Variants in PDE1C observed in about 807,000 individuals in gnomAD.
The protein encoded by PDE1C is dual specificity calcium/calmodulin-dependent 3',5'-cyclic nucleotide phosphodiesterase 1C.
Under a neutral mutation model 93.1 loss-of-function variants are expected in PDE1C, and 62 were observed. The ratio of observed to expected loss-of-function variants is 0.67; its 90% confidence interval spans 0.54 to 0.82. PDE1C has a LOEUF of 0.82. Among genes scored for constraint, PDE1C ranks in the 40% least tolerant of loss-of-function variants. The pLI is 0.00. For synonymous variants in PDE1C, 325 were observed against 310.1 expected (o/e 1.05, Z -0.50); for missense variants, 742 against 884.6 (o/e 0.84, Z 2.04).
chr7:31,995,718 C>G (rs2128546049), intron 2 of PDE1C, among the ~76,000 whole-genome samples: 1 of 152,200 alleles, frequency 6.6e-6, no homozygotes, highest in African/African-American at 2.4e-5. Context: ...TACAGCTACA[C>G]AGAGTGAATG....
intron 1 of PDE1C, among the ~76,000 whole-genome samples, chr7:32,288,779 A>G (rs978627769): frequency 1.3e-5 from 2 of 152,216 alleles, no homozygotes; most frequent in Non-Finnish European, 2.9e-5. Context: ...CTTAAATCCT[A>G]TGGCGTTAAT....
At chr7:31,966,991 C>T (rs191723101) in intron 2 of PDE1C, among the ~76,000 whole-genome samples, 1,853 of 151,988 alleles carry the variant, frequency 0.012, 15 homozygotes, top group Non-Finnish European at 0.021. Context: ...GCACTAAATG[C>T]CCACAAGAGA....
intron 2 of PDE1C, among the ~76,000 whole-genome samples, chr7:31,899,263 C>T (rs1190793466): frequency 2.0e-5 from 3 of 151,678 alleles, no homozygotes; most frequent in Non-Finnish European, 4.4e-5. Flanking sequence ...GTCAGTCTCC[C>T]GAGTAGCTGG....
At chr7:32,213,056 T>C (rs1415856990) in intron 1 of PDE1C, among the ~76,000 whole-genome samples, 1 of 152,216 alleles carries the variant, frequency 6.6e-6, no homozygotes, top group Non-Finnish European at 1.5e-5. Flanking sequence ...ACAGTGACTA[T>C]GCATTCAGTC....
At chr7:31,630,254 A>AAC in the PDE1C span, among the ~76,000 whole-genome samples, 1 of 151,592 alleles carries the variant, frequency 6.6e-6, no homozygotes. Flanking sequence ...CAAAAAAAAA[A>AAC]AAAAAAAACA....
chr7:32,116,107 G>A (rs773282865), intron 3 of PDE1C, among the ~76,000 whole-genome samples: 1 of 152,164 alleles, frequency 6.6e-6, no homozygotes, highest in Non-Finnish European at 1.5e-5. Context: ...CATTAGAAAG[G>A]CATAAGCACA....
intron 1 of PDE1C, among the ~76,000 whole-genome samples, chr7:32,312,106 C>T (rs1280460071): frequency 1.3e-5 from 2 of 151,618 alleles, no homozygotes; most frequent in Non-Finnish European, 2.9e-5. Flanking sequence ...TCTTATACAC[C>T]AATAACAGAC....
chr7:32,221,924 C>T lies in PDE1C; in HGVS notation c.86-12385G>A, dbSNP rs75201326. Among the ~76,000 whole-genome samples the T allele has an allele frequency of 9.6e-3, 1,462 of 152,190 alleles. 22 individuals carry two copies. The highest frequency in any genetic ancestry group is 0.032 in the African/African-American group (1,349 of 41,526). ...GATCACTACCCACCTGGGCAAGCTG[C>T]CAGCAAAGCACAAAGCTCAAAATGT... On this transcript the variant is annotated intron_variant, in intron 1 of 18. Transcript: ENST00000396193.
intron 3 of PDE1C, among the ~76,000 whole-genome samples, chr7:32,119,919 A>C (rs1231356460): frequency 6.6e-6 from 1 of 152,196 alleles, no homozygotes; most frequent in South Asian, 2.1e-4. Flanking sequence ...CCTGCTGTCA[A>C]AGCCATTTGA....
At chr7:31,754,794 C>T (rs918133476) in intron 17 of PDE1C, among the ~76,000 whole-genome samples, 12 of 152,252 alleles carry the variant, frequency 7.9e-5, no homozygotes, top group Admixed American at 1.3e-4. Context: ...GTGAAACTCT[C>T]GCATACAATA....
the PDE1C span, among the ~76,000 whole-genome samples, chr7:31,620,791 A>T: frequency 1.2e-4 from 19 of 152,190 alleles, no homozygotes; most frequent in Admixed American, 1.2e-3. Flanking sequence ...AGAAGAAGAC[A>T]TCAGACGATC....
chr7:31,634,989 T>A, the PDE1C span, among the ~76,000 whole-genome samples: 1 of 152,166 alleles, frequency 6.6e-6, no homozygotes, highest in Admixed American at 6.5e-5. Context: ...TGGCCAGGCG[T>A]GCTGGTACCA....
At chr7:32,276,704 T>A (rs1367735886) in intron 1 of PDE1C, among the ~76,000 whole-genome samples, 1 of 152,122 alleles carries the variant, frequency 6.6e-6, no homozygotes, top group Non-Finnish European at 1.5e-5. Context: ...ATAATAACTA[T>A]CTCACAGGGA....
At chr7:31,761,128 C>G (rs1360236423) in intron 17 of PDE1C, among the ~76,000 whole-genome samples, 1 of 45,518 alleles carries the variant, frequency 2.2e-5, no homozygotes, top group African/African-American at 9.3e-5. Context: ...CAAAATCACA[C>G]AGTTAGCACA....
At chr7:31,876,749 G>T (rs1334873628) in intron 5 of PDE1C, among the ~76,000 whole-genome samples, 1 of 152,134 alleles carries the variant, frequency 6.6e-6, no homozygotes, top group Non-Finnish European at 1.5e-5. Flanking sequence ...TCAGATTAGG[G>T]GTTAAAGAGG....
intron 16 of PDE1C, among the ~76,000 whole-genome samples, chr7:31,793,500 C>T (rs1421317310): frequency 6.6e-6 from 1 of 151,938 alleles, no homozygotes; most frequent in Non-Finnish European, 1.5e-5. Context: ...AACTCTGTAC[C>T]ATAGCTGCCT....
At chr7:32,420,140 CACACACACACACACACACAT>C (rs1347508353) in intron 1 of PDE1C, among the ~76,000 whole-genome samples, 3 of 31,362 alleles carry the variant, frequency 9.6e-5, no homozygotes, top group African/African-American at 1.8e-4. Flanking sequence ...CACACACACA[CACACACACACACACACACAT>C]ATATATGTGT....
At chr7:32,212,198 C>T (rs1351311391) in intron 1 of PDE1C, among the ~76,000 whole-genome samples, 1 of 152,026 alleles carries the variant, frequency 6.6e-6, no homozygotes. Context: ...TTGGAGTGTG[C>T]ACATTCTCCA....
At position 32,083,673 on chromosome 7, in the gene PDE1C, C is replaced by CAG. The variant is rs910241452; in HGVS notation, c.308+86110_308+86111dup. Among the ~76,000 whole-genome samples the CAG allele has an allele frequency of 3.2e-4, 49 of 152,234 alleles. 1 individual carries two copies. Among genetic ancestry groups the CAG allele is most frequent in the African/African-American group, 1.1e-3 (47 of 41,522 alleles). On this transcript the variant is annotated intron_variant, in intron 3 of 18. Coordinates refer to the PDE1C transcript ENST00000396193. ...ATCTCTCTGCAGAATCTCTACAAGC[C>CAG]AGAAGAGAGTGGGGTCCAATATTCA...
Sources: gnomAD v4.1 joint callset for allele counts (sites outside exome capture counted in the v4.1 genomes callset) on GRCh38, gnomAD v4.1.1 for gene constraint, MANE v1.5 for transcripts, NCBI Gene and HGNC (gene_info 2026-07-23, HGNC 2026-07-21) for gene names.